RALGAPA1: variants seen among roughly 807,000 people sequenced by gnomAD.
RALGAPA1 encodes Ral GTPase activating protein catalytic subunit alpha 1.
In RALGAPA1, 52 loss-of-function variants were observed where a neutral mutation model predicts 269.6. That is an observed-to-expected ratio of 0.19 (90% CI 0.15 to 0.24). The LOEUF (loss-of-function observed/expected upper bound fraction) is 0.24. Among genes scored for constraint, RALGAPA1 ranks in the 10% least tolerant of loss-of-function variants. The pLI is 1.00. For missense variants in RALGAPA1, 1,917 were observed against 3,013.9 expected, an observed-to-expected ratio of 0.64 and a Z score of 8.52; for synonymous variants, 817 against 1,008.3, an observed-to-expected ratio of 0.81 and a Z score of 3.60.
At chr14:35,591,181 C>A (rs1242278271) in intron 37 of RALGAPA1, among the ~76,000 whole-genome samples, 1 of 151,934 alleles carries the variant, frequency 6.6e-6, no homozygotes, top group Non-Finnish European at 1.5e-5. Context: ...TCTATGATAC[C>A]CCTTACAGAT....
chr14:35,705,867 T>C (rs1240789447), intron 16 of RALGAPA1, among the ~76,000 whole-genome samples: 4 of 152,228 alleles, frequency 2.6e-5, no homozygotes, highest in Admixed American at 6.5e-5. Flanking sequence ...TGTAGTGGTA[T>C]CTTGTCTTAA....
intron 27 of RALGAPA1, among the ~76,000 whole-genome samples, 193 bp downstream of exon 27, chr14:35,664,449 C>T (rs1218829307): frequency 6.6e-6 from 1 of 152,086 alleles, no homozygotes; most frequent in Admixed American, 6.6e-5. Context: ...GAAAAAGGTT[C>T]TAAAGCAGTT....
chr14:35,699,813 T>G (rs900775773), intron 17 of RALGAPA1, among the ~76,000 whole-genome samples: 2 of 151,444 alleles, frequency 1.3e-5, no homozygotes, highest in Admixed American at 1.3e-4. Context: ...TCTTCCTAAG[T>G]CATCTTTTAC....
chr14:35,597,341 T>C (rs895043732), intron 36 of RALGAPA1, among the ~76,000 whole-genome samples: 3 of 152,168 alleles, frequency 2.0e-5, no homozygotes, highest in African/African-American at 7.2e-5. Flanking sequence ...GCTAATCTGA[T>C]AGGTGACAAA....
chr14:35,747,722 C>G (rs1477239747), intron 10 of RALGAPA1, among the ~76,000 whole-genome samples: 2 of 152,160 alleles, frequency 1.3e-5, no homozygotes, highest in Non-Finnish European at 2.9e-5. Context: ...AATGATCCCC[C>G]TCAGCTGCAA....
intron 39 of RALGAPA1, among the ~76,000 whole-genome samples, chr14:35,562,974 T>C (rs1430265351): frequency 8.3e-6 from 1 of 121,042 alleles, no homozygotes; most frequent in Non-Finnish European, 1.6e-5. Flanking sequence ...TGAGCTGAGA[T>C]AGCACCACTG....
rs111910173 is a variant in RALGAPA1 at position 35,582,654 on chromosome 14, C to T, written c.7210-9936G>A. Among the ~76,000 whole-genome samples the T allele has an allele frequency of 7.4e-3, 1,126 of 152,256 alleles. 15 individuals are homozygous for T. The highest frequency in any genetic ancestry group is 0.025 in the African/African-American group (1,054 of 41,540). On this transcript the variant is annotated intron_variant, in intron 37 of 41. Coordinates refer to ENST00000680220, the MANE Select transcript of RALGAPA1 (RefSeq NM_001346249.2). ...TTCCCTACTTTTGTGAGTTTTATTTCCAAGAGCTCTACCAGGTCCTCACAG... is the reference window on the plus strand; with the variant it reads ...TTCCCTACTTTTGTGAGTTTTATTTTCAAGAGCTCTACCAGGTCCTCACAG...
intron 5 of RALGAPA1, among the ~76,000 whole-genome samples, 191 bp downstream of exon 5, chr14:35,762,519 G>A (rs1298136512): frequency 6.6e-6 from 1 of 152,170 alleles, no homozygotes; most frequent in East Asian, 1.9e-4. Context: ...GCCTCCCAAA[G>A]TGCAGAGATT....
At chr14:35,564,917 T>C (rs1235344581) in intron 39 of RALGAPA1, among the ~76,000 whole-genome samples, 1 of 152,186 alleles carries the variant, frequency 6.6e-6, no homozygotes, top group East Asian at 1.9e-4. Flanking sequence ...CTTGGAACTC[T>C]TATAGCATTT....
intron 35 of RALGAPA1, among the ~76,000 whole-genome samples, chr14:35,625,048 G>A (rs1024784526): frequency 6.6e-6 from 1 of 150,758 alleles, no homozygotes; most frequent in Non-Finnish European, 1.5e-5. Context: ...AAAAAAGTTA[G>A]CCGGGTGTGG....
intron 37 of RALGAPA1, among the ~76,000 whole-genome samples, chr14:35,577,531 C>G (rs1338467686): frequency 6.6e-6 from 1 of 152,136 alleles, no homozygotes; most frequent in Non-Finnish European, 1.5e-5. Context: ...GATTTCTCAG[C>G]CCCCAGAACT....
At chr14:35,546,705 G>A (rs2054494432) in intron 41 of RALGAPA1, among the ~76,000 whole-genome samples, 1 of 151,856 alleles carries the variant, frequency 6.6e-6, no homozygotes, top group Non-Finnish European at 1.5e-5. Flanking sequence ...TTATACTTCT[G>A]CTAGGAAAAA....
At chr14:35,769,629 T>TA (rs1364580355) in intron 4 of RALGAPA1, among the ~76,000 whole-genome samples, 3 of 150,784 alleles carry the variant, frequency 2.0e-5, no homozygotes, top group Non-Finnish European at 3.0e-5. Context: ...TATGTAATAT[T>TA]AAAAAAAAAG....
intron 1 of RALGAPA1, among the ~76,000 whole-genome samples, chr14:35,805,560 C>T (rs1039230417): frequency 6.6e-5 from 10 of 151,168 alleles, no homozygotes; most frequent in Admixed American, 6.6e-5. Context: ...AGGGTGACAG[C>T]AGATTAGTGG....
intron 28 of RALGAPA1, among the ~76,000 whole-genome samples, chr14:35,657,693 T>A (rs201955362): frequency 0.025 from 3,180 of 126,174 alleles, 50 homozygotes; most frequent in African/African-American, 0.042. Flanking sequence ...ATATATATTT[T>A]TTTTTTTTTT....
chr14:35,783,335 G>T (rs2075580802), intron 1 of RALGAPA1, among the ~76,000 whole-genome samples: 1 of 152,044 alleles, frequency 6.6e-6, no homozygotes. Context: ...TTTAACAAAT[G>T]GTTGACTTTT....
At chr14:35,782,606 G>A (rs2075515795) in intron 1 of RALGAPA1, among the ~76,000 whole-genome samples, 1 of 151,686 alleles carries the variant, frequency 6.6e-6, no homozygotes, top group Admixed American at 6.6e-5. Context: ...GCTAATTTTT[G>A]TATTTTTAGT....
intron 7 of RALGAPA1, among the ~76,000 whole-genome samples, chr14:35,755,074 A>C (rs2073052569): frequency 6.6e-6 from 1 of 152,170 alleles, no homozygotes; most frequent in Non-Finnish European, 1.5e-5. Flanking sequence ...TCCAAGGGGC[A>C]TGGTGGCTCA....
intron 1 of RALGAPA1, among the ~76,000 whole-genome samples, chr14:35,805,427 G>A (rs1466868088): frequency 2.1e-5 from 3 of 145,796 alleles, no homozygotes; most frequent in African/African-American, 7.6e-5. Flanking sequence ...GGGTGACAGA[G>A]TGAGACTCCG....
Sources: gnomAD v4.1 joint callset for allele counts (sites outside exome capture counted in the v4.1 genomes callset) on GRCh38, gnomAD v4.1.1 for gene constraint, MANE v1.5 for transcripts, NCBI Gene and HGNC (gene_info 2026-07-23, HGNC 2026-07-21) for gene names.